The following SLC24A3 variants were observed in gnomAD, a reference collection of about 807,000 sequenced individuals.
SLC24A3 encodes solute carrier family 24 member 3, also known as sodium/potassium/calcium exchanger 3.
In SLC24A3, 28 loss-of-function variants were observed where a neutral mutation model predicts 75.8. That is an observed-to-expected ratio of 0.37 (90% CI 0.27 to 0.51). The LOEUF (loss-of-function observed/expected upper bound fraction) is 0.51. Ranked by LOEUF, SLC24A3 falls within the 20% of genes least tolerant of loss-of-function variation. The pLI is 0.94. For missense variants in SLC24A3, 663 were observed against 847.8 expected (o/e 0.78, Z 2.71); for synonymous variants, 372 against 334.1 (o/e 1.11, Z -1.24).
intron 1 of SLC24A3, chr20:19,257,633 T>G (rs1339343774): frequency 6.6e-6 from 1 of 152,226 alleles, no homozygotes; most frequent in South Asian, 2.1e-4. Context: ...TCCTACCTTT[T>G]TCTGGGTGCT....
At chr20:19,304,215 T>C (rs1486194354) in intron 2 of SLC24A3, among the ~76,000 whole-genome samples, 2 of 152,218 alleles carry the variant, frequency 1.3e-5, no homozygotes. Flanking sequence ...TACCAAAAGA[T>C]GTTCTAATTT....
chr20:19,597,201 A>G (rs746551895), intron 6 of SLC24A3, among the ~76,000 whole-genome samples: 3 of 152,174 alleles, frequency 2.0e-5, no homozygotes, highest in Non-Finnish European at 4.4e-5. Flanking sequence ...GGCCTGGGCA[A>G]CATAGTGAGA....
Position 19,681,290 on chromosome 20 carries a change from CAT to C in SLC24A3, c.768-566_768-565del, listed in dbSNP as rs2032612829. ...GGATCTGAAACTTAGGCACGATAGT[CAT>C]AGAAATTTGGAGAATCCCAACCCAT... On this transcript the variant is annotated intron_variant, in intron 9 of 16. Transcript: ENST00000328041. 2.0e-5 allele frequency among the ~76,000 whole-genome samples: 3 copies of C among 152,140 alleles called. No homozygotes were observed. In the South Asian group the frequency reaches 6.2e-4, roughly 32 times the overall value.
At chr20:19,221,472 A>T (rs56974632) in intron 1 of SLC24A3, among the ~76,000 whole-genome samples, 1 of 152,290 alleles carries the variant, frequency 6.6e-6, no homozygotes, top group African/African-American at 2.4e-5. Flanking sequence ...CTGAAATTTC[A>T]GTGTACATTT....
intron 1 of SLC24A3, among the ~76,000 whole-genome samples, chr20:19,263,026 C>G (rs1983041869): frequency 7.7e-6 from 1 of 129,694 alleles, no homozygotes; most frequent in Admixed American, 8.2e-5. Context: ...ATCACCCACT[C>G]CAGCCTTTGT....
chr20:19,652,227 A>AT (rs1402340113), intron 6 of SLC24A3, among the ~76,000 whole-genome samples: 1 of 152,180 alleles, frequency 6.6e-6, no homozygotes, highest in East Asian at 1.9e-4. Flanking sequence ...ACCCTTTAGT[A>AT]TTATCTTGTT....
rs572246679 is a variant in SLC24A3, at chr20:19,307,443, T to C, written c.271+26356T>C. ...ATGTAGATGAAAAGCTTCATGTAGATGAGAAAAGATAAAACGTTTTTAAAA... is the reference window on the plus strand; with the variant it reads ...ATGTAGATGAAAAGCTTCATGTAGACGAGAAAAGATAAAACGTTTTTAAAA... On this transcript the variant is annotated intron_variant, in intron 2 of 16. Coordinates refer to ENST00000328041, the MANE Select transcript of SLC24A3 (RefSeq NM_020689.4). Among the ~76,000 whole-genome samples the C allele has an allele frequency of 1.5e-3, 227 of 152,310 alleles. 1 individual carries two copies. Among genetic ancestry groups the C allele is most frequent in the Non-Finnish European group, 2.6e-3 (176 of 68,018 alleles).
intron 1 of SLC24A3, among the ~76,000 whole-genome samples, chr20:19,274,934 G>A (rs185116435): frequency 6.6e-6 from 1 of 152,350 alleles, no homozygotes; most frequent in East Asian, 1.9e-4. Flanking sequence ...GAGAGCCTGA[G>A]TTAGTGCTGC....
chr20:19,526,249 A>G (rs1388327010), intron 3 of SLC24A3, among the ~76,000 whole-genome samples: 2 of 152,154 alleles, frequency 1.3e-5, no homozygotes, highest in African/African-American at 2.4e-5. Flanking sequence ...GACAAGTCCT[A>G]TTGGCCCTCC....
At chr20:19,595,250 G>C (rs1430964277) in intron 6 of SLC24A3, among the ~76,000 whole-genome samples, 7 of 152,194 alleles carry the variant, frequency 4.6e-5, no homozygotes, top group Non-Finnish European at 1.5e-5. Flanking sequence ...GTGCTAGGCT[G>C]TGAGCTCCCC....
chr20:19,331,393 T>G (rs999212272), intron 2 of SLC24A3, among the ~76,000 whole-genome samples: 7 of 152,008 alleles, frequency 4.6e-5, no homozygotes, highest in Non-Finnish European at 1.0e-4. Context: ...GGTAGGTAGA[T>G]AGAGTAGATA....
rs113406930 is a variant in SLC24A3, at chr20:19,353,660, T to C, written c.271+72573T>C. On this transcript the variant is annotated intron_variant, in intron 2 of 16. Coordinates refer to ENST00000328041, the MANE Select transcript of SLC24A3 (RefSeq NM_020689.4). ...AGGAAGACAGAGCAAGCACCTCTCCTGAGCAGAGTTCTTTATCACATTAGC... is the reference window on the plus strand; with the variant it reads ...AGGAAGACAGAGCAAGCACCTCTCCCGAGCAGAGTTCTTTATCACATTAGC... 9.1e-3 allele frequency among the ~76,000 whole-genome samples: 1,385 copies of C among 152,338 alleles called. 25 individuals are homozygous for C. The highest frequency in any genetic ancestry group is 0.031 in the African/African-American group (1,284 of 41,572).
chr20:19,708,932 T>A (rs1264952709), intron 15 of SLC24A3, among the ~76,000 whole-genome samples: 1 of 152,208 alleles, frequency 6.6e-6, no homozygotes, highest in Non-Finnish European at 1.5e-5. Flanking sequence ...AATCAGTCTC[T>A]CTGTTCATCA....
At chr20:19,610,205 C>G (rs577806999) in intron 6 of SLC24A3, among the ~76,000 whole-genome samples, 72 of 152,210 alleles carry the variant, frequency 4.7e-4, no homozygotes, top group Non-Finnish European at 8.5e-4. Flanking sequence ...TCATTCTCCC[C>G]TTCTTTTATT....
At chr20:19,660,073 C>T (rs998209275) in intron 7 of SLC24A3, among the ~76,000 whole-genome samples, 1 of 152,166 alleles carries the variant, frequency 6.6e-6, no homozygotes, top group African/African-American at 2.4e-5. Context: ...ACCCTCCCCT[C>T]CTGCACCCAT....
At chr20:19,573,807 C>A (rs1321093152) in intron 3 of SLC24A3, among the ~76,000 whole-genome samples, 1 of 152,176 alleles carries the variant, frequency 6.6e-6, no homozygotes. Context: ...TGACTAGATC[C>A]AAGAAGGCCA....
At chr20:19,427,069 A>ATG (rs138651975) in intron 2 of SLC24A3, among the ~76,000 whole-genome samples, 9 of 151,808 alleles carry the variant, frequency 5.9e-5, no homozygotes, top group African/African-American at 2.2e-4. Flanking sequence ...GTGTGTGTGC[A>ATG]TGTGTGTGTG....
At chr20:19,719,089 G>C (rs962663674) in intron 16 of SLC24A3, among the ~76,000 whole-genome samples, 3 of 152,168 alleles carry the variant, frequency 2.0e-5, no homozygotes, top group African/African-American at 7.2e-5. Flanking sequence ...TTTTCCAGGT[G>C]GAGGGAGCTA....
chr20:19,415,671 C>T (rs1986815418), intron 2 of SLC24A3, among the ~76,000 whole-genome samples: 1 of 151,850 alleles, frequency 6.6e-6, no homozygotes, highest in Non-Finnish European at 1.5e-5. Context: ...AATCTAGGTC[C>T]CTGGTCAGGG....
Sources: allele counts gnomAD v4.1 joint callset (sites outside exome capture counted in the v4.1 genomes callset), GRCh38; gene constraint gnomAD v4.1.1; transcripts MANE v1.5; gene names NCBI Gene and HGNC (gene_info 2026-07-23, HGNC 2026-07-21).